The following EEF2K variants were observed in gnomAD, a reference collection of about 807,000 sequenced individuals.
EEF2K encodes the protein eukaryotic elongation factor 2 kinase.
EEF2K carries 70 observed loss-of-function variants against 93.8 expected under a neutral mutation model. The observed-to-expected ratio is 0.75, with a 90% confidence interval of 0.62 to 0.91. The LOEUF is 0.91. Among genes scored for constraint, EEF2K ranks in the 40% least tolerant of loss-of-function variants. EEF2K has a pLI of 0.00. For missense variants in EEF2K, 935 were observed against 972.9 expected, an observed-to-expected ratio of 0.96 and a Z score of 0.52; for synonymous variants, 376 against 380.8, an observed-to-expected ratio of 0.99 and a Z score of 0.15.
At chr16:22,268,164 T>C (rs907115676) in intron 15 of EEF2K, among the ~76,000 whole-genome samples, 2 of 152,106 alleles carry the variant, frequency 1.3e-5, no homozygotes, top group African/African-American at 2.4e-5. Context: ...GATTAAAAAC[T>C]TATTTATTTA....
Position 22,264,865 on chromosome 16 carries a change from G to C in EEF2K, c.1425G>C (p.Leu475=), listed in dbSNP as rs781777816. 6.2e-7 allele frequency: 1 copy of C among 1,613,996 alleles called. No individual in the cohort carries two copies. Among genetic ancestry groups the C allele is most frequent in the East Asian group, 2.2e-5 (1 of 44,846 alleles). Residue 475 remains leucine, a synonymous_variant, in exon 13 of 18, where the codon CTG becomes CTC. Transcript: ENST00000263026. ...NRKYESDEDS[L]GSSGRVCVEK... is the part of the protein sequence containing the mutation. Reference sequence around the variant, plus strand: ...AGTACGAGTCTGACGAAGACAGCCTGGGCAGCTCTGGACGGGTAATGCGCC... The same window carrying C: ...AGTACGAGTCTGACGAAGACAGCCTCGGCAGCTCTGGACGGGTAATGCGCC...
intron 17 of EEF2K, among the ~76,000 whole-genome samples, chr16:22,280,779 C>T (rs1358861213): frequency 6.6e-6 from 1 of 152,048 alleles, no homozygotes; most frequent in Non-Finnish European, 1.5e-5. Flanking sequence ...ATTCTCCTGC[C>T]TCAGCCTCCT....
intron 1 of EEF2K, among the ~76,000 whole-genome samples, chr16:22,218,958 AAAAAG>A (rs1003233634): frequency 1.3e-5 from 2 of 151,586 alleles, no homozygotes; most frequent in South Asian, 2.1e-4. Context: ...AAAAAAGAGA[AAAAAG>A]AAAAGAAATA....
At position 22,256,675 on chromosome 16, in the gene EEF2K, G is replaced by A. The variant is rs545761834; in HGVS notation, c.619-73G>A. 7.5e-5 allele frequency: 115 copies of A among 1,535,092 alleles called. No individual in the cohort carries two copies. The African/African-American group carries it at 1.5e-3, about 20-fold the overall frequency. ...AGCCCAGGCAGGCGAGTTCCTCTGA[G>A]CCCTCCCCTTGCCGCTTCTCAGAGG... On this transcript the variant is annotated intron_variant, in intron 6 of 17. Transcript: ENST00000263026.
chr16:22,240,101 CAAAAA>C (rs765234012), intron 2 of EEF2K, among the ~76,000 whole-genome samples: 5 of 58,298 alleles, frequency 8.6e-5, no homozygotes, highest in African/African-American at 1.2e-4. Flanking sequence ...GACTCCATCT[CAAAAA>C]AAAAAAAAAA....
At chr16:22,262,988 G>A (rs1049586915) in intron 11 of EEF2K, 122 bp from the exon 12 acceptor site, 2 of 806,166 alleles carry the variant, frequency 2.5e-6, no homozygotes, top group Admixed American at 3.0e-5. Flanking sequence ...GGGACAGCAG[G>A]AGCAGGGTGT....
chr16:22,256,963 C>T lies in EEF2K; in HGVS notation c.768+66C>T, dbSNP rs904026042. Reference sequence around the variant, plus strand: ...CTTGGGGTGAGATCCTGGCCAGGCTCAGCCCCTAAAGAGGAAGGTCCCTGT... The same window carrying T: ...CTTGGGGTGAGATCCTGGCCAGGCTTAGCCCCTAAAGAGGAAGGTCCCTGT... On this transcript the variant is annotated intron_variant, in intron 7 of 17. Coordinates refer to ENST00000263026, the MANE Select transcript of EEF2K (RefSeq NM_013302.5). 3.1e-6 allele frequency: 5 copies of T among 1,594,792 alleles called. No individual in the cohort carries two copies. In the African/African-American group the frequency reaches 5.4e-5, roughly 17 times the overall value.
At chr16:22,244,511 T>C (rs2047264401) in intron 2 of EEF2K, 119 bp from the exon 3 acceptor site, 1 of 914,534 alleles carries the variant, frequency 1.1e-6, no homozygotes, top group African/African-American at 1.6e-5. Flanking sequence ...CAGGAGTCTC[T>C]CTCTGTCCTG....
At chr16:22,215,346 A>G (rs2046948675) in intron 1 of EEF2K, among the ~76,000 whole-genome samples, 1 of 152,132 alleles carries the variant, frequency 6.6e-6, no homozygotes, top group Admixed American at 6.6e-5. Context: ...CCTCAGAGGC[A>G]CCTGCAGATA....
intron 1 of EEF2K, among the ~76,000 whole-genome samples, chr16:22,214,664 G>GCAACAA: frequency 6.6e-6 from 1 of 151,774 alleles, no homozygotes; most frequent in African/African-American, 2.4e-5. Context: ...GACTCTCTCA[G>GCAACAA]CAACAACAAC....
In EEF2K at chr16:22,257,299, T is replaced by A. The variant is rs1160082639; in HGVS notation, c.815T>A (p.Val272Glu). The change falls in exon 8 of 18, where the codon GTG becomes GAG. Residue 272 changes from valine to glutamate, a missense_variant. Val to Glu is a moderately radical substitution (Grantham distance 121, BLOSUM62 -2). Coordinates refer to ENST00000263026, the MANE Select transcript of EEF2K (RefSeq NM_013302.5). The part of the protein sequence containing the change: ...TFERSGHQLI[V>E]VDIQGVGDLY... ...GAGCGTTCCGGCCATCAGCTGATAG[T>A]GGTGGACATCCAGGGAGTTGGGGAT... The A allele has an allele frequency of 6.2e-7, 1 of 1,613,950 alleles. No individual in the cohort carries two copies. The highest frequency in any genetic ancestry group is 8.5e-7 in the Non-Finnish European group (1 of 1,179,998).
At chr16:22,257,544 C>T (rs1035647586) in intron 8 of EEF2K, 99 bp from the exon 9 acceptor site, 11 of 1,551,696 alleles carry the variant, frequency 7.1e-6, no homozygotes, top group Admixed American at 3.8e-5. Context: ...CAGCTTGGCA[C>T]GTTTTATACC....
At chr16:22,207,055 A>G (rs1005893550) in intron 1 of EEF2K, among the ~76,000 whole-genome samples, 2 of 151,976 alleles carry the variant, frequency 1.3e-5, no homozygotes, top group Admixed American at 1.3e-4. Context: ...CGCATCCCCC[A>G]CCTTTCCCCT....
intron 5 of EEF2K, 59 bp from the exon 6 acceptor site, chr16:22,251,092 C>G: frequency 1.3e-6 from 2 of 1,561,538 alleles, no homozygotes; most frequent in South Asian, 2.4e-5. Context: ...AGGACCAGGG[C>G]TGTGTCCCTG....
At chr16:22,227,749 C>T (rs915698059) in intron 2 of EEF2K, among the ~76,000 whole-genome samples, 11 of 151,962 alleles carry the variant, frequency 7.2e-5, no homozygotes, top group Non-Finnish European at 1.6e-4. Flanking sequence ...CTATTAGTTA[C>T]TTTGATAGAA....
rs559893239 is a variant in EEF2K at position 22,261,676 on chromosome 16, C to A, written c.1299+1147C>A. Among the ~76,000 whole-genome samples, 14 of 142,832 alleles carry A rather than the reference C, an allele frequency of 9.8e-5. No homozygotes were observed. The South Asian group carries it at 3.1e-3, about 32-fold the overall frequency. 93.7% of individuals were successfully genotyped at this position (142,832 alleles called of 152,430 possible). ...CTGCACTCCAACCTGGGCGACAGAGCGAGACTCAGTCTCAAAAAAAAAAAA... is the reference window on the plus strand; with the variant it reads ...CTGCACTCCAACCTGGGCGACAGAGAGAGACTCAGTCTCAAAAAAAAAAAA... On this transcript the variant is annotated intron_variant, in intron 11 of 17. Coordinates refer to ENST00000263026, the MANE Select transcript of EEF2K (RefSeq NM_013302.5).
chr16:22,259,350 G>T (rs2047440496), intron 10 of EEF2K, among the ~76,000 whole-genome samples: 1 of 152,112 alleles, frequency 6.6e-6, no homozygotes, highest in Non-Finnish European at 1.5e-5. Flanking sequence ...AGATTTTATT[G>T]TTTAGTTTTT....
At position 22,256,876 on chromosome 16, in the gene EEF2K, C is replaced by G. The variant is rs770695719; in HGVS notation, c.747C>G (p.Asp249Glu). ...YNSNSGFVRD[D>E]NIRLTPQAFS... ...CCAACTCTGGCTTTGTCCGCGATGA[C>G]AACATCCGCCTGACGCCGCAGGTGA... Residue 249 changes from aspartate to glutamate, a missense_variant, in exon 7 of 18, where the codon GAC becomes GAG. Coordinates refer to ENST00000263026, the MANE Select transcript of EEF2K (RefSeq NM_013302.5). The G allele has an allele frequency of 8.1e-6, 13 of 1,614,010 alleles. No individual in the cohort carries two copies. The highest frequency in any genetic ancestry group is 1.1e-5 in the Non-Finnish European group (13 of 1,180,036).
At chr16:22,226,517 CTTTTT>C (rs553013823) in intron 2 of EEF2K, among the ~76,000 whole-genome samples, 1 of 106,900 alleles carries the variant, frequency 9.4e-6, no homozygotes, top group East Asian at 3.3e-4. Flanking sequence ...CCTTCTTCTT[CTTTTT>C]TTTTTTTTTT....
Sources: allele counts gnomAD v4.1 joint callset (sites outside exome capture counted in the v4.1 genomes callset), GRCh38; gene constraint gnomAD v4.1.1; transcripts MANE v1.5; gene names NCBI Gene and HGNC (gene_info 2026-07-23, HGNC 2026-07-21).